Variants in SH3BGRL2 observed in about 807,000 individuals in gnomAD.
SH3BGRL2 encodes the protein SH3 domain binding glutamate rich protein like 2, also known as SH3 domain-binding glutamic acid-rich-like protein 2.
In SH3BGRL2, 21 loss-of-function variants were observed where a neutral mutation model predicts 14.8. That is an observed-to-expected ratio of 1.42 (90% CI 1.01 to 2.05). The LOEUF (loss-of-function observed/expected upper bound fraction) is 2.05. Among genes scored for constraint, SH3BGRL2 ranks in the 30% most tolerant of loss-of-function variants. The pLI is 0.00. For missense variants in SH3BGRL2, 147 were observed against 130.8 expected, an observed-to-expected ratio of 1.12 and a Z score of -0.61; for synonymous variants, 50 against 47.8, an observed-to-expected ratio of 1.05 and a Z score of -0.19.
At chr6:79,552,810 A>G in the SH3BGRL2 span, 2 of 152,236 alleles carry the variant, frequency 1.3e-5, no homozygotes, top group African/African-American at 4.8e-5. Flanking sequence ...AAGTTCTCAG[A>G]TGTCAAAATA....
chr6:79,663,785 A>G (rs1445219641), intron 1 of SH3BGRL2, among the ~76,000 whole-genome samples: 3 of 152,244 alleles, frequency 2.0e-5, no homozygotes. Flanking sequence ...TGGAGTCTAT[A>G]GAGGCTGTAG....
the SH3BGRL2 span, among the ~76,000 whole-genome samples, chr6:79,547,022 A>G: frequency 2.6e-5 from 4 of 152,136 alleles, no homozygotes; most frequent in Non-Finnish European, 5.9e-5. Context: ...CATTGGAATA[A>G]AGCATTTGAG....
chr6:79,564,330 G>A, the SH3BGRL2 span, among the ~76,000 whole-genome samples: 2 of 152,170 alleles, frequency 1.3e-5, no homozygotes, highest in Admixed American at 6.5e-5. Context: ...CTTTATGCCT[G>A]GCAGAGGAAA....
the SH3BGRL2 span, among the ~76,000 whole-genome samples, chr6:79,598,808 C>G: frequency 6.6e-6 from 1 of 150,792 alleles, no homozygotes. Flanking sequence ...CTCGGCTGGG[C>G]GCGGTGGCTC....
upstream of SH3BGRL2, among the ~76,000 whole-genome samples, chr6:79,627,063 A>G (rs1308794011): frequency 6.6e-6 from 1 of 152,100 alleles, no homozygotes; most frequent in African/African-American, 2.4e-5. Flanking sequence ...GCTTCTCACT[A>G]CATAGTGACT....
intron 2 of SH3BGRL2, among the ~76,000 whole-genome samples, chr6:79,675,438 T>C (rs1769861741): frequency 6.6e-6 from 1 of 152,204 alleles, no homozygotes; most frequent in Admixed American, 6.5e-5. Flanking sequence ...ATTACTATGG[T>C]ATGAGCTATT....
chr6:79,656,545 C>T (rs1426208402), intron 1 of SH3BGRL2, among the ~76,000 whole-genome samples: 4 of 151,988 alleles, frequency 2.6e-5, no homozygotes, highest in Non-Finnish European at 5.9e-5. Flanking sequence ...TTGGCCCTTC[C>T]GTATTTGCAG....
At chr6:79,563,560 TTTCTC>T in the SH3BGRL2 span, among the ~76,000 whole-genome samples, 1 of 152,018 alleles carries the variant, frequency 6.6e-6, no homozygotes, top group African/African-American at 2.4e-5. Flanking sequence ...CATAGAAACT[TTTCTC>T]TTGCTGGTTT....
At chr6:79,655,293 C>T (rs890353964) in intron 1 of SH3BGRL2, among the ~76,000 whole-genome samples, 2 of 152,118 alleles carry the variant, frequency 1.3e-5, no homozygotes, top group African/African-American at 2.4e-5. Flanking sequence ...TTCCCCTAAA[C>T]TACTTTTGTA....
At chr6:79,641,116 A>G (rs1417560020) in intron 1 of SH3BGRL2, among the ~76,000 whole-genome samples, 1 of 149,042 alleles carries the variant, frequency 6.7e-6, no homozygotes, top group East Asian at 2.0e-4. Context: ...TGACATTCCC[A>G]TGTGTATTAA....
At chr6:79,577,496 A>G in the SH3BGRL2 span, among the ~76,000 whole-genome samples, 59 of 152,356 alleles carry the variant, frequency 3.9e-4, no homozygotes, top group South Asian at 0.012. Context: ...AGACTAATCA[A>G]TAAAATTTCC....
At chr6:79,578,390 C>A in the SH3BGRL2 span, among the ~76,000 whole-genome samples, 5 of 152,178 alleles carry the variant, frequency 3.3e-5, no homozygotes. Flanking sequence ...ACAGACACCT[C>A]ATATGGGTGG....
At chr6:79,686,274 C>A (rs544616916) in intron 2 of SH3BGRL2, among the ~76,000 whole-genome samples, 5 of 152,232 alleles carry the variant, frequency 3.3e-5, no homozygotes, top group African/African-American at 1.2e-4. Context: ...AAACTAGTGT[C>A]TTTTTTCACT....
chr6:79,595,847 A>G, the SH3BGRL2 span, among the ~76,000 whole-genome samples: 1 of 152,338 alleles, frequency 6.6e-6, no homozygotes, highest in African/African-American at 2.4e-5. Context: ...AAATAAAATA[A>G]AAGGCATCCA....
the SH3BGRL2 span, among the ~76,000 whole-genome samples, chr6:79,560,006 G>A: frequency 1.1e-4 from 17 of 152,192 alleles, no homozygotes; most frequent in African/African-American, 2.9e-4. Flanking sequence ...AGAAGAAGAC[G>A]AAGGAGGAGG....
chr6:79,615,645 T>C, the SH3BGRL2 span, among the ~76,000 whole-genome samples: 1 of 152,200 alleles, frequency 6.6e-6, no homozygotes, highest in South Asian at 2.1e-4. Flanking sequence ...AGGTATTAAA[T>C]ACTCCACAAA....
chr6:79,665,323 G>T (rs777568955), intron 1 of SH3BGRL2, among the ~76,000 whole-genome samples: 19 of 152,148 alleles, frequency 1.2e-4, no homozygotes, highest in Non-Finnish European at 1.6e-4. Context: ...ATTCATACAT[G>T]CAATAAGATA....
the SH3BGRL2 span, among the ~76,000 whole-genome samples, chr6:79,582,726 C>CAAGG: frequency 3.3e-5 from 5 of 152,128 alleles, no homozygotes; most frequent in Non-Finnish European, 7.4e-5. Context: ...TAGGCATGGG[C>CAAGG]AAGGACTTCA....
At chr6:79,575,017 T>C in the SH3BGRL2 span, 1 of 152,190 alleles carries the variant, frequency 6.6e-6, no homozygotes. Flanking sequence ...TGACAGTCCT[T>C]ACAGATTTGT....
Sources: allele counts gnomAD v4.1 joint callset (sites outside exome capture counted in the v4.1 genomes callset), GRCh38; gene constraint gnomAD v4.1.1; transcripts MANE v1.5; gene names NCBI Gene and HGNC (gene_info 2026-07-23, HGNC 2026-07-21).